PDIA4: variants seen among roughly 807,000 people sequenced by gnomAD.
PDIA4 encodes the protein protein disulfide isomerase family A member 4, also known as protein disulfide-isomerase A4.
A neutral mutation model predicts 62.1 loss-of-function variants in PDIA4; 33 were observed. The observed-to-expected ratio is 0.53, with a 90% CI of 0.40 to 0.71. The LOEUF (loss-of-function observed/expected upper bound fraction) is 0.71, where lower values mean the gene tolerates loss of function less well. Among genes scored for constraint, PDIA4 ranks in the 30% least tolerant of loss-of-function variants. The probability of loss-of-function intolerance (pLI) is 0.00; values close to 1 mark genes in which losing one functional copy is unlikely to be tolerated. For missense variants in PDIA4, 804 were observed against 813.6 expected, an observed-to-expected ratio of 0.99 and a Z score of 0.14; for synonymous variants, 341 against 324.1, an observed-to-expected ratio of 1.05 and a Z score of -0.56.
chr7:149,023,699 A>G (rs1206605331), intron 1 of PDIA4, among the ~76,000 whole-genome samples: 1 of 152,182 alleles, frequency 6.6e-6, no homozygotes, highest in Admixed American at 6.5e-5. Context: ...CTAGGAGAGG[A>G]AGGGAAACTA....
chr7:149,005,620 T>TG (rs1466560122), intron 8 of PDIA4, among the ~76,000 whole-genome samples: 1 of 152,222 alleles, frequency 6.6e-6, no homozygotes, highest in East Asian at 1.9e-4. Flanking sequence ...GGGCCAGGGC[T>TG]GGTCTAGTCC....
In PDIA4 at chr7:149,011,888, T is replaced by G. The variant is rs769134342; in HGVS notation, c.937A>C (p.Lys313Gln). The change falls in exon 6 of 10, where the codon AAG (lysine) becomes CAG (glutamine). Residue 313 changes from lysine (K) to glutamine (Q), a missense_variant. By Grantham distance (53) the Lys-to-Gln change is moderately conservative (BLOSUM62 1). Coordinates refer to ENST00000652332, the MANE Select transcript of PDIA4 (RefSeq NM_004911.5). The stretch of plus-strand genomic sequence containing the variant: ...TGGTAGGCTGGGTCACTCTCCCCCT[T>G]AAAGACCCCGATGATGATGACATCG... ...GDDVIIIGVF[K>Q]GESDPAYQQY... 1 of 1,601,316 alleles carries G rather than the reference T, an allele frequency of 6.2e-7. No individual in the cohort carries two copies. Among genetic ancestry groups the G allele is most frequent in the Non-Finnish European group, 8.5e-7 (1 of 1,173,392 alleles).
intron 4 of PDIA4, 121 bp from the exon 5 acceptor site, chr7:149,012,481 C>A: frequency 1.3e-6 from 1 of 784,120 alleles, no homozygotes; most frequent in Non-Finnish European, 2.1e-6. Flanking sequence ...AGTAAGCCTC[C>A]GAATGCCTCC....
At chr7:149,024,019 G>A (rs1249071539) in intron 1 of PDIA4, among the ~76,000 whole-genome samples, 1 of 152,166 alleles carries the variant, frequency 6.6e-6, no homozygotes, top group Non-Finnish European at 1.5e-5. Context: ...GGCCAAAGAG[G>A]GTGGATCATC....
chr7:149,014,606 CT>C (rs935180715), intron 4 of PDIA4, among the ~76,000 whole-genome samples: 2 of 152,194 alleles, frequency 1.3e-5, no homozygotes, highest in African/African-American at 4.8e-5. Flanking sequence ...AGCTGGGCAG[CT>C]CAGACCAGCC....
chr7:149,023,677 T>G (rs367928642), intron 1 of PDIA4, among the ~76,000 whole-genome samples: 1 of 151,918 alleles, frequency 6.6e-6, no homozygotes, highest in African/African-American at 2.4e-5. Flanking sequence ...CTCTTCCAGG[T>G]AGGAATCACA....
intron 1 of PDIA4, among the ~76,000 whole-genome samples, chr7:149,024,674 G>A (rs940077572): frequency 6.6e-6 from 1 of 151,782 alleles, no homozygotes; most frequent in Non-Finnish European, 1.5e-5. Context: ...AAGTTAGCCA[G>A]GCATGGTGGC....
chr7:149,026,997 C>T (rs1356923792), intron 1 of PDIA4, among the ~76,000 whole-genome samples: 3 of 152,084 alleles, frequency 2.0e-5, no homozygotes, highest in Non-Finnish European at 4.4e-5. Context: ...TCAAGAATCC[C>T]CCCAAAAACA....
intron 9 of PDIA4, 150 bp downstream of exon 9, chr7:149,004,991 C>CA (rs1472998048): frequency 1.2e-5 from 8 of 677,180 alleles, no homozygotes; most frequent in Non-Finnish European, 2.1e-5. Flanking sequence ...GACGAGAAGT[C>CA]AGAGTCCCTC....
chr7:149,014,623 A>T (rs1399945305), intron 4 of PDIA4, among the ~76,000 whole-genome samples: 1 of 151,922 alleles, frequency 6.6e-6, no homozygotes, highest in Non-Finnish European at 1.5e-5. Context: ...CAGCCACTGT[A>T]CTTGCTCCCA....
At chr7:149,008,334 G>A (rs186217689) in intron 6 of PDIA4, 24 bp from the exon 7 acceptor site, 380 of 1,598,274 alleles carry the variant, frequency 2.4e-4, no homozygotes, top group Middle Eastern at 5.0e-4. Context: ...AGAATAAGAT[G>A]TAATTTTGAA....
chr7:149,009,151 G>A (rs929600630), intron 6 of PDIA4, among the ~76,000 whole-genome samples: 1 of 152,010 alleles, frequency 6.6e-6, no homozygotes, highest in African/African-American at 2.4e-5. Context: ...GGCTGGTCTC[G>A]AACTCCTGAC....
chr7:149,018,368 A>T (rs941542806), intron 3 of PDIA4, among the ~76,000 whole-genome samples: 2 of 152,134 alleles, frequency 1.3e-5, no homozygotes, highest in Non-Finnish European at 2.9e-5. Flanking sequence ...CTTGCTAAAC[A>T]TTAAGAACCA....
chr7:149,014,220 C>G (rs1824050150), intron 4 of PDIA4, among the ~76,000 whole-genome samples: 1 of 152,166 alleles, frequency 6.6e-6, no homozygotes, highest in Non-Finnish European at 1.5e-5. Flanking sequence ...TGCCACCCAC[C>G]CCCCGGCCTG....
Position 149,011,983 on chromosome 7 carries a change from T to C in PDIA4, c.842A>G (p.Glu281Gly). ...CTCCTTGGAGGGAGGCCCGGACTGC[T>C]CGATCATGTAATCAACGATTCCTGG... is the stretch of plus-strand genomic sequence containing the variant. ...EKYGIVDYMI[E>G]QSGPPSKEIL... Residue 281 changes from glutamate to glycine, a missense_variant, in exon 6 of 10, where the codon GAG becomes GGG. By Grantham distance (98) the Glu-to-Gly change is moderately conservative (BLOSUM62 -2). Transcript: ENST00000652332. 1 of 1,597,614 alleles carries C rather than the reference T, an allele frequency of 6.3e-7. No homozygotes were observed. Among genetic ancestry groups the C allele is most frequent in the Non-Finnish European group, 8.5e-7 (1 of 1,171,252 alleles).
intron 6 of PDIA4, among the ~76,000 whole-genome samples, chr7:149,008,768 G>A (rs183117504): frequency 9.2e-4 from 140 of 152,090 alleles, no homozygotes; most frequent in Non-Finnish European, 1.5e-3. Flanking sequence ...AAATTGTGTG[G>A]ACAATTCCTA....
At position 149,003,965 on chromosome 7, in the gene PDIA4, G is replaced by A. The variant is rs370731622; in HGVS notation, c.1767C>T (p.Asp589=). 9.9e-6 allele frequency: 16 copies of A among 1,613,142 alleles called. No individual in the cohort carries two copies. The highest frequency in any genetic ancestry group is 1.7e-5 in the Admixed American group (1 of 59,958). Residue 589 remains aspartate (D), a synonymous_variant, in exon 10 of 10, where the codon GAC becomes GAT. Coordinates refer to ENST00000652332, the MANE Select transcript of PDIA4 (RefSeq NM_004911.5). ...VIAKMDATAN[D]VPSDRYKVEG... ...CCACCTTATAGCGGTCGCTGGGGAC[G>A]TCGTTGGCAGTGGCGTCCATCTTGG...
intron 9 of PDIA4, 83 bp downstream of exon 9, chr7:149,005,058 C>T: frequency 9.4e-7 from 1 of 1,068,182 alleles, no homozygotes; most frequent in Non-Finnish European, 1.4e-6. Flanking sequence ...GTGGCCAGAG[C>T]ACCAGACGCC....
At chr7:149,011,044 T>C (rs896199902) in intron 6 of PDIA4, among the ~76,000 whole-genome samples, 6 of 152,258 alleles carry the variant, frequency 3.9e-5, no homozygotes, top group Non-Finnish European at 5.9e-5. Context: ...TCTACTGGTT[T>C]TATACATTAA....
Sources: allele counts gnomAD v4.1 joint callset (sites outside exome capture counted in the v4.1 genomes callset), GRCh38; gene constraint gnomAD v4.1.1; transcripts MANE v1.5; gene names NCBI Gene and HGNC (gene_info 2026-07-23, HGNC 2026-07-21).